SDK1: variants seen among roughly 807,000 people sequenced by gnomAD.
The protein encoded by SDK1 is sidekick cell adhesion molecule 1.
In SDK1, 157 loss-of-function variants were observed where a neutral mutation model predicts 245.5. The ratio of observed to expected loss-of-function variants is 0.64; its 90% CI spans 0.56 to 0.73. The LOEUF (loss-of-function observed/expected upper bound fraction) is 0.73, where lower values mean the gene tolerates loss of function less well. Among genes scored for constraint, SDK1 ranks in the 30% least tolerant of loss-of-function variants. The pLI, the probability that SDK1 is intolerant of heterozygous loss-of-function variation, is 0.00. For synonymous variants in SDK1, 1,647 were observed against 1,278.5 expected, an observed-to-expected ratio of 1.29 and a Z score of -6.15; for missense variants, 3,583 against 3,002.3, an observed-to-expected ratio of 1.19 and a Z score of -4.52.
intron 1 of SDK1, among the ~76,000 whole-genome samples, chr7:3,476,706 G>T (rs560280979): frequency 6.6e-6 from 1 of 152,022 alleles, no homozygotes; most frequent in Admixed American, 6.6e-5. Context: ...TTCCAACCTC[G>T]AATTTTTTCC....
chr7:3,645,656 C>T lies in SDK1; in HGVS notation c.713+3551C>T, dbSNP rs80268911. ...CTAGATGCGAAAACCCAATATATTGCTTTCCATGTCTAAGAAAGTACAGTT... is the reference window on the plus strand; with the variant it reads ...CTAGATGCGAAAACCCAATATATTGTTTTCCATGTCTAAGAAAGTACAGTT... On this transcript the variant is annotated intron_variant, in intron 4 of 44. Transcript: ENST00000404826. Among the ~76,000 whole-genome samples the T allele has an allele frequency of 8.3e-3, 1,256 of 152,210 alleles. 25 individuals are homozygous for T. Among genetic ancestry groups the T allele is most frequent in the African/African-American group, 0.029 (1,201 of 41,514 alleles).
At chr7:4,075,068 A>G (rs1048903769) in intron 20 of SDK1, among the ~76,000 whole-genome samples, 2 of 151,472 alleles carry the variant, frequency 1.3e-5, no homozygotes, top group South Asian at 2.1e-4. Flanking sequence ...TGAAGACACC[A>G]CAGAGGATGG....
At chr7:3,662,180 CA>C (rs769077007) in intron 4 of SDK1, among the ~76,000 whole-genome samples, 1 of 151,712 alleles carries the variant, frequency 6.6e-6, no homozygotes, top group Non-Finnish European at 1.5e-5. Flanking sequence ...AACAAAAGTC[CA>C]AATTCTCAAT....
At chr7:3,352,853 G>C (rs1780696626) in intron 1 of SDK1, among the ~76,000 whole-genome samples, 1 of 151,834 alleles carries the variant, frequency 6.6e-6, no homozygotes, top group South Asian at 2.1e-4. Context: ...AATGAGTTCT[G>C]TCCTGTATTT....
At chr7:3,502,942 T>C (rs1782266074) in intron 1 of SDK1, among the ~76,000 whole-genome samples, 2 of 152,222 alleles carry the variant, frequency 1.3e-5, no homozygotes, top group Non-Finnish European at 2.9e-5. Flanking sequence ...ATTTTGATAT[T>C]ATAGGGATTA....
chr7:3,539,228 G>T (rs1332293036), intron 1 of SDK1, among the ~76,000 whole-genome samples: 2 of 152,130 alleles, frequency 1.3e-5, no homozygotes, highest in African/African-American at 4.8e-5. Flanking sequence ...TCAAGGAGTT[G>T]GAGCATGGCT....
At chr7:3,651,749 A>G (rs536688039) in intron 4 of SDK1, among the ~76,000 whole-genome samples, 2 of 152,302 alleles carry the variant, frequency 1.3e-5, no homozygotes, top group East Asian at 1.9e-4. Flanking sequence ...AACATCAAAG[A>G]CAAAGAAGAA....
chr7:4,199,789 A>G (rs1426505498), intron 35 of SDK1, among the ~76,000 whole-genome samples: 1 of 152,134 alleles, frequency 6.6e-6, no homozygotes, highest in Non-Finnish European at 1.5e-5. Context: ...GTGCTCAGTC[A>G]GAACTTAGAG....
intron 5 of SDK1, among the ~76,000 whole-genome samples, chr7:3,902,441 G>C (rs997447003): frequency 2.0e-4 from 30 of 152,160 alleles, no homozygotes; most frequent in African/African-American, 5.8e-4. Flanking sequence ...CAGTAAGAGA[G>C]ATTTAATATT....
intron 5 of SDK1, among the ~76,000 whole-genome samples, chr7:3,886,090 C>G (rs909457510): frequency 6.6e-6 from 1 of 152,200 alleles, no homozygotes; most frequent in Admixed American, 6.5e-5. Context: ...CCGCAGAGAC[C>G]TGCAGCTCAG....
At chr7:3,356,098 A>T (rs1406827934) in intron 1 of SDK1, among the ~76,000 whole-genome samples, 1 of 152,152 alleles carries the variant, frequency 6.6e-6, no homozygotes, top group Admixed American at 6.5e-5. Context: ...ATGAATTCCC[A>T]TGTCAGCCTC....
At chr7:4,109,680 G>A (rs995834076) in intron 22 of SDK1, among the ~76,000 whole-genome samples, 3 of 152,216 alleles carry the variant, frequency 2.0e-5, no homozygotes, top group African/African-American at 7.2e-5. Flanking sequence ...GTGGGCACAA[G>A]GCCGTGGCTG....
chr7:3,707,341 T>G (rs972369046), intron 4 of SDK1, among the ~76,000 whole-genome samples: 9 of 152,264 alleles, frequency 5.9e-5, no homozygotes, highest in African/African-American at 1.9e-4. Flanking sequence ...TTGTTTAATT[T>G]ACATGTGTTT....
chr7:3,466,151 A>C (rs2128596605), intron 1 of SDK1, among the ~76,000 whole-genome samples: 1 of 151,986 alleles, frequency 6.6e-6, no homozygotes, highest in East Asian at 2.0e-4. Context: ...GCCATGACCG[A>C]GCACCTGAAA....
At chr7:3,933,852 A>G (rs555609678) in intron 5 of SDK1, among the ~76,000 whole-genome samples, 3 of 152,330 alleles carry the variant, frequency 2.0e-5, no homozygotes. Flanking sequence ...CTGTTGGTCC[A>G]TGGAGTGCCC....
chr7:4,125,285 A>G (rs954548308), intron 25 of SDK1, among the ~76,000 whole-genome samples: 3 of 143,858 alleles, frequency 2.1e-5, no homozygotes, highest in African/African-American at 7.9e-5. Context: ...GGATATGTAG[A>G]TGGATAGATG....
At chr7:3,676,579 C>A (rs1318164465) in intron 4 of SDK1, among the ~76,000 whole-genome samples, 1 of 152,162 alleles carries the variant, frequency 6.6e-6, no homozygotes, top group African/African-American at 2.4e-5. Context: ...CCCACCTTGG[C>A]CTCCCAAAGT....
intron 5 of SDK1, among the ~76,000 whole-genome samples, chr7:3,849,686 C>T (rs904033257): frequency 5.9e-5 from 9 of 152,088 alleles, no homozygotes; most frequent in African/African-American, 7.2e-5. Context: ...TAGAGGGCGG[C>T]GTATTTTGAT....
At chr7:4,034,459 A>G (rs1442063695) in intron 17 of SDK1, among the ~76,000 whole-genome samples, 1 of 152,202 alleles carries the variant, frequency 6.6e-6, no homozygotes, top group African/African-American at 2.4e-5. Context: ...TCATGTTAGC[A>G]GCTCACTCTC....
Sources: gnomAD v4.1 joint callset for allele counts (sites outside exome capture counted in the v4.1 genomes callset) on GRCh38, gnomAD v4.1.1 for gene constraint, MANE v1.5 for transcripts, NCBI Gene and HGNC (gene_info 2026-07-23, HGNC 2026-07-21) for gene names.